Variants in CDH13 observed in about 807,000 individuals in gnomAD.
The protein encoded by CDH13 is cadherin-13.
A neutral mutation model predicts 63.8 loss-of-function variants in CDH13; 24 were observed. The observed-to-expected ratio is 0.38, with a 90% CI of 0.27 to 0.53. The LOEUF (loss-of-function observed/expected upper bound fraction) is 0.53. Among genes scored for constraint, CDH13 ranks in the 20% least tolerant of loss-of-function variants. The pLI is 0.85. For missense variants in CDH13, 1,049 were observed against 903.1 expected (o/e 1.16, Z -2.07); for synonymous variants, 503 against 355.3 (o/e 1.42, Z -4.67).
intron 7 of CDH13, among the ~76,000 whole-genome samples, chr16:83,499,961 C>T (rs904831600): frequency 1.5e-4 from 23 of 152,054 alleles, no homozygotes; most frequent in Admixed American, 7.2e-4. Context: ...TGCCACCACG[C>T]GCAGCTAATT....
chr16:83,798,625 C>A lies in CDH13; in HGVS notation c.*3595C>A, dbSNP rs756787579. On this transcript the variant is annotated 3_prime_UTR_variant, in exon 14 of 14. Coordinates refer to ENST00000567109, the MANE Select transcript of CDH13 (RefSeq NM_001257.5). ...TCTGGCTCCAGGGTTCATGTTCTTC[C>A]GACAACATCACAATGCCACTCTCAA... The A allele has an allele frequency of 2.6e-5, 4 of 152,140 alleles. No individual in the cohort carries two copies. The highest frequency in any genetic ancestry group is 4.4e-5 in the Non-Finnish European group (3 of 68,038). The allele number at this position is 152,140 out of a possible 1,614,324, so 9.4% of individuals were successfully genotyped here.
intron 1 of CDH13, among the ~76,000 whole-genome samples, chr16:82,693,795 A>C (rs1025667865): frequency 6.6e-6 from 1 of 152,218 alleles, no homozygotes; most frequent in African/African-American, 2.4e-5. Flanking sequence ...TTTATTTTGC[A>C]TTATTGACCC....
chr16:83,073,354 T>TGAGAGAGAGAGA (rs58505161), intron 3 of CDH13, among the ~76,000 whole-genome samples: 226 of 139,858 alleles, frequency 1.6e-3, no homozygotes, highest in Non-Finnish European at 3.0e-3. Flanking sequence ...TGTGTGTGTG[T>TGAGAGAGAGAGA]GAGAGAGAGA....
chr16:83,184,642 C>T (rs1469643785), intron 4 of CDH13, among the ~76,000 whole-genome samples: 2 of 152,168 alleles, frequency 1.3e-5, no homozygotes, highest in African/African-American at 2.4e-5. Flanking sequence ...GTAGTCCCAG[C>T]TACTCAGGAG....
At chr16:82,796,915 C>T (rs2036609362) in intron 1 of CDH13, among the ~76,000 whole-genome samples, 1 of 152,204 alleles carries the variant, frequency 6.6e-6, no homozygotes, top group Non-Finnish European at 1.5e-5. Flanking sequence ...ACTATTGACT[C>T]TGCTCAGATT....
intron 1 of CDH13, among the ~76,000 whole-genome samples, chr16:82,736,594 G>T (rs1567481518): frequency 6.6e-6 from 1 of 152,154 alleles, no homozygotes. Context: ...ACTTGTTAAG[G>T]TTCATTTTGT....
At chr16:83,587,946 C>CTTT (rs72005662) in intron 7 of CDH13, among the ~76,000 whole-genome samples, 1 of 144,816 alleles carries the variant, frequency 6.9e-6, no homozygotes, top group Admixed American at 6.9e-5. Flanking sequence ...TCTTATACCT[C>CTTT]TTTTTTTTTT....
At chr16:82,807,659 G>C (rs987393950) in intron 1 of CDH13, among the ~76,000 whole-genome samples, 19 of 152,134 alleles carry the variant, frequency 1.2e-4, no homozygotes, top group African/African-American at 4.6e-4. Context: ...TAACCCTTAA[G>C]CTAAAGCCTT....
intron 2 of CDH13, among the ~76,000 whole-genome samples, chr16:82,901,685 C>T (rs2041475652): frequency 1.3e-5 from 2 of 152,118 alleles, no homozygotes; most frequent in South Asian, 4.1e-4. Flanking sequence ...AACTGATAAA[C>T]ACTTACAGGG....
At chr16:82,844,368 G>C (rs1655972174) in intron 1 of CDH13, 1 of 152,058 alleles carries the variant, frequency 6.6e-6, no homozygotes. Context: ...CTGGGAGGCT[G>C]AGGCAGGCGG....
intron 1 of CDH13, among the ~76,000 whole-genome samples, chr16:82,637,375 C>A (rs1020615203): frequency 1.4e-4 from 21 of 149,504 alleles, no homozygotes; most frequent in Admixed American, 1.1e-3. Flanking sequence ...GTATGCCAGG[C>A]ACTCACCTAG....
At chr16:83,180,646 T>C (rs1229927695) in intron 4 of CDH13, among the ~76,000 whole-genome samples, 1 of 152,224 alleles carries the variant, frequency 6.6e-6, no homozygotes, top group Non-Finnish European at 1.5e-5. Context: ...CAGCAGTCCA[T>C]ATTATCTTGG....
At chr16:82,856,385 A>AAAAAAGAAAAG (rs1555530562) in intron 1 of CDH13, among the ~76,000 whole-genome samples, 1 of 95,268 alleles carries the variant, frequency 1.0e-5, no homozygotes, top group African/African-American at 3.7e-5. Flanking sequence ...AAAAAAAAAA[A>AAAAAAGAAAAG]AAAAGAAAAG....
chr16:83,384,203 G>C (rs916318941), intron 6 of CDH13, among the ~76,000 whole-genome samples: 2 of 152,098 alleles, frequency 1.3e-5, no homozygotes, highest in Admixed American at 6.6e-5. Context: ...CTGCAACAGT[G>C]AGAAACCTAT....
intron 4 of CDH13, among the ~76,000 whole-genome samples, chr16:83,170,479 C>A (rs1248689930): frequency 1.3e-5 from 2 of 152,102 alleles, no homozygotes; most frequent in African/African-American, 4.8e-5. Context: ...TTTCATGAGG[C>A]AAAGCGTGAG....
At chr16:83,610,215 C>G (rs558335637) in intron 8 of CDH13, among the ~76,000 whole-genome samples, 2 of 152,154 alleles carry the variant, frequency 1.3e-5, no homozygotes, top group Non-Finnish European at 1.5e-5. Flanking sequence ...TGCGTTTTCT[C>G]TCACATCCTA....
intron 1 of CDH13, among the ~76,000 whole-genome samples, chr16:82,813,535 A>C (rs934144465): frequency 6.6e-6 from 1 of 152,112 alleles, no homozygotes; most frequent in Non-Finnish European, 1.5e-5. Context: ...AGATAGTGCT[A>C]TGAGCTACCT....
rs372762495 is a variant in CDH13 at position 83,720,737 on chromosome 16, C to T, written c.1539-27371C>T. ...CCATACTCTGAGAAAAGAGGGAATC[C>T]GACTCATGAGAGCCAGAAATGAAAT... On this transcript the variant is annotated intron_variant, in intron 10 of 13. Coordinates refer to ENST00000567109, the MANE Select transcript of CDH13 (RefSeq NM_001257.5). Among the ~76,000 whole-genome samples the T allele has an allele frequency of 2.7e-4, 41 of 152,326 alleles. No individual in the cohort carries two copies. The East Asian group carries it at 4.8e-3, about 18-fold the overall frequency.
At chr16:83,604,279 CA>C (rs1908122536) in intron 8 of CDH13, among the ~76,000 whole-genome samples, 1 of 152,146 alleles carries the variant, frequency 6.6e-6, no homozygotes, top group Non-Finnish European at 1.5e-5. Flanking sequence ...TCTGACTTCC[CA>C]TGGCAGGGTT....
Sources: gnomAD v4.1 joint callset for allele counts (sites outside exome capture counted in the v4.1 genomes callset) on GRCh38, gnomAD v4.1.1 for gene constraint, MANE v1.5 for transcripts, NCBI Gene and HGNC (gene_info 2026-07-23, HGNC 2026-07-21) for gene names.